The following COMMD10 variants were observed in gnomAD, a reference collection of about 807,000 sequenced individuals.
COMMD10 encodes COMM domain containing 10.
In COMMD10, 33 loss-of-function variants were observed where a neutral mutation model predicts 28.9. The ratio of observed to expected loss-of-function variants is 1.14; its 90% CI spans 0.87 to 1.53. COMMD10 has a LOEUF of 1.53. COMMD10 is among the 40% of genes most tolerant of loss of function. The pLI is 0.00. For synonymous variants in COMMD10, 110 were observed against 81.7 expected (o/e 1.35, Z -1.87); for missense variants, 310 against 233.4 (o/e 1.33, Z -2.14).
rs2112772607 is a variant in COMMD10, at chr5:116,134,109, C to G, written c.441C>G (p.His147Gln). The part of the protein sequence containing the change: ...VGWQLNLQMA[H>Q]SAQAKLKSPQ... Reference sequence around the variant, plus strand: ...GGCAGCTTAACCTTCAGATGGCTCACTCTGCTCAAGCAAAACTAAAATCTC... The same window carrying G: ...GGCAGCTTAACCTTCAGATGGCTCAGTCTGCTCAAGCAAAACTAAAATCTC... The change falls in exon 5 of 7, where the codon CAC becomes CAG. Residue 147 changes from histidine (H) to glutamine (Q), a missense_variant. Coordinates refer to ENST00000274458, the MANE Select transcript of COMMD10 (RefSeq NM_016144.4). The G allele has an allele frequency of 1.2e-6, 2 of 1,612,414 alleles. No individual in the cohort carries two copies. Among genetic ancestry groups the G allele is most frequent in the South Asian group, 1.1e-5 (1 of 91,038 alleles).
intron 4 of COMMD10, among the ~76,000 whole-genome samples, chr5:116,124,407 A>T (rs544713069): frequency 6.6e-6 from 1 of 152,150 alleles, no homozygotes; most frequent in South Asian, 2.1e-4. Context: ...CCTGAGTTCT[A>T]GTTTGATTGC....
chr5:116,264,987 G>A (rs1013406809), intron 5 of COMMD10, among the ~76,000 whole-genome samples: 8 of 151,734 alleles, frequency 5.3e-5, no homozygotes, highest in Non-Finnish European at 1.0e-4. Flanking sequence ...GAAAAGAGTA[G>A]GGAAAATGTT....
chr5:116,247,973 A>G (rs1450057089), intron 5 of COMMD10, among the ~76,000 whole-genome samples: 1 of 152,038 alleles, frequency 6.6e-6, no homozygotes, highest in African/African-American at 2.4e-5. Context: ...AGTTAAAAAG[A>G]TAACACAATA....
intron 5 of COMMD10, among the ~76,000 whole-genome samples, chr5:116,162,683 G>A (rs1379884508): frequency 6.6e-6 from 1 of 152,122 alleles, no homozygotes; most frequent in African/African-American, 2.4e-5. Flanking sequence ...AGCAACAAAG[G>A]TGTGTACTTT....
At chr5:116,150,977 A>G (rs954615365) in intron 5 of COMMD10, among the ~76,000 whole-genome samples, 9 of 151,504 alleles carry the variant, frequency 5.9e-5, no homozygotes, top group African/African-American at 2.2e-4. Context: ...CCATTCAGGT[A>G]TGATATTGGC....
At chr5:116,109,120 A>G (rs1750953196) in intron 4 of COMMD10, among the ~76,000 whole-genome samples, 1 of 152,228 alleles carries the variant, frequency 6.6e-6, no homozygotes, top group African/African-American at 2.4e-5. Context: ...TGGGAGCTAC[A>G]GACCGGAGCT....
At chr5:116,191,892 A>G (rs1348811890) in intron 5 of COMMD10, among the ~76,000 whole-genome samples, 1 of 151,902 alleles carries the variant, frequency 6.6e-6, no homozygotes, top group African/African-American at 2.4e-5. Context: ...AGTCCGTTGC[A>G]CAACCCCCCA....
rs141948617 is a variant in COMMD10 at position 116,117,035 on chromosome 5, C to T, written c.400-17033C>T. On this transcript the variant is annotated intron_variant, in intron 4 of 6. Coordinates refer to ENST00000274458, the MANE Select transcript of COMMD10 (RefSeq NM_016144.4). ...CTGCTCTTGGATTTAACGTAATGGA[C>T]TCATATAATATGTATTTGACTGTCA... Among the ~76,000 whole-genome samples the T allele has an allele frequency of 1.9e-3, 290 of 152,222 alleles. 2 individuals carry two copies. The highest frequency in any genetic ancestry group is 6.6e-3 in the African/African-American group (274 of 41,536).
intron 5 of COMMD10, among the ~76,000 whole-genome samples, chr5:116,266,798 A>G (rs935599188): frequency 6.6e-6 from 1 of 151,894 alleles, no homozygotes; most frequent in East Asian, 1.9e-4. Flanking sequence ...CAACATACGC[A>G]AATCAATGAA....
intron 5 of COMMD10, among the ~76,000 whole-genome samples, chr5:116,256,199 T>A (rs1202812567): frequency 6.6e-6 from 1 of 151,700 alleles, no homozygotes; most frequent in South Asian, 2.1e-4. Context: ...TACAGTATAA[T>A]GAGAGTTAAC....
At chr5:116,219,278 A>G (rs952533223) in intron 5 of COMMD10, among the ~76,000 whole-genome samples, 2 of 152,138 alleles carry the variant, frequency 1.3e-5, no homozygotes, top group African/African-American at 4.8e-5. Context: ...AAACCGATAC[A>G]TACAGTTTTC....
intron 5 of COMMD10, among the ~76,000 whole-genome samples, chr5:116,265,723 T>C (rs1438386163): frequency 1.3e-5 from 2 of 149,162 alleles, no homozygotes; most frequent in African/African-American, 2.4e-5. Context: ...GTAGGTGCTG[T>C]TGTTATGCCA....
At chr5:116,097,757 G>A (rs180689102) in intron 4 of COMMD10, among the ~76,000 whole-genome samples, 387 of 152,150 alleles carry the variant, frequency 2.5e-3, no homozygotes, top group Non-Finnish European at 4.4e-3. Flanking sequence ...TTACAGTCAT[G>A]GTGGAAGGTG....
intron 5 of COMMD10, among the ~76,000 whole-genome samples, chr5:116,167,052 C>G (rs568260755): frequency 2.0e-5 from 3 of 151,868 alleles, no homozygotes; most frequent in African/African-American, 7.3e-5. Flanking sequence ...CAAACTTCTC[C>G]GAGCTAAAGG....
At chr5:116,145,384 A>G (rs1752314830) in intron 5 of COMMD10, among the ~76,000 whole-genome samples, 1 of 151,736 alleles carries the variant, frequency 6.6e-6, no homozygotes, top group Non-Finnish European at 1.5e-5. Flanking sequence ...ATTGGGTTTA[A>G]TCATGCTTTT....
At chr5:116,265,225 A>G (rs1433347690) in intron 5 of COMMD10, among the ~76,000 whole-genome samples, 1 of 151,810 alleles carries the variant, frequency 6.6e-6, no homozygotes, top group Non-Finnish European at 1.5e-5. Context: ...TCTTTCTGCT[A>G]GAGCATAATA....
intron 5 of COMMD10, among the ~76,000 whole-genome samples, chr5:116,171,278 A>G (rs1375418743): frequency 3.9e-5 from 6 of 152,226 alleles, no homozygotes; most frequent in Non-Finnish European, 4.4e-5. Flanking sequence ...TCACAATGAG[A>G]TACCATCTCA....
intron 5 of COMMD10, among the ~76,000 whole-genome samples, chr5:116,154,876 A>C (rs941838841): frequency 6.6e-6 from 1 of 152,036 alleles, no homozygotes; most frequent in African/African-American, 2.4e-5. Flanking sequence ...ATAATCTCAG[A>C]GACAAGGCTG....
chr5:116,266,889 T>C (rs1056174975), intron 5 of COMMD10, among the ~76,000 whole-genome samples: 3 of 151,846 alleles, frequency 2.0e-5, no homozygotes, highest in Admixed American at 1.3e-4. Context: ...TTTGACAAAA[T>C]TCAACAGCCG....
Sources: gnomAD v4.1 joint callset for allele counts (sites outside exome capture counted in the v4.1 genomes callset) on GRCh38, gnomAD v4.1.1 for gene constraint, MANE v1.5 for transcripts, NCBI Gene and HGNC (gene_info 2026-07-23, HGNC 2026-07-21) for gene names.